DHX37: variants seen among roughly 807,000 people sequenced by gnomAD.
DHX37 encodes the protein probable ATP-dependent RNA helicase DHX37.
Under a neutral mutation model 134.3 loss-of-function variants are expected in DHX37, and 52 were observed. That is an observed-to-expected ratio of 0.39 (90% CI 0.31 to 0.49). The LOEUF (loss-of-function observed/expected upper bound fraction) is 0.49. Ranked by LOEUF, DHX37 falls within the 20% of genes least tolerant of loss-of-function variation. DHX37 has a pLI of 0.93. For missense variants in DHX37, 1,344 were observed against 1,580.8 expected (o/e 0.85, Z 2.54); for synonymous variants, 634 against 670.7 (o/e 0.95, Z 0.85).
chr12:124,953,718 G>A (rs1954021737), intron 20 of DHX37, 162 bp downstream of exon 20: 1 of 1,266,968 alleles, frequency 7.9e-7, no homozygotes, highest in Non-Finnish European at 1.1e-6. Flanking sequence ...ACATTCCCTT[G>A]TTCCTGGAAA....
chr12:124,978,581 G>A (rs905197398), intron 4 of DHX37, among the ~76,000 whole-genome samples: 1 of 150,418 alleles, frequency 6.6e-6, no homozygotes, highest in South Asian at 2.1e-4. Context: ...GCCTCCCAAA[G>A]TGTTGGGATT....
At chr12:124,968,731 G>A (rs10846794) in intron 9 of DHX37, 83 bp from the exon 10 acceptor site, 444,970 of 1,605,174 alleles carry the variant, frequency 0.28, 65,065 homozygotes, top group Non-Finnish European at 0.3. Context: ...CCATTATTCC[G>A]AATCAAGGTT....
intron 6 of DHX37, 100 bp downstream of exon 6, chr12:124,975,319 C>T (rs926135360): frequency 6.0e-5 from 74 of 1,228,708 alleles, no homozygotes; most frequent in Non-Finnish European, 8.3e-5. Context: ...CCACCCAGCA[C>T]CCTCGGCACA....
At chr12:124,973,013 G>GCACCA (rs1954551029) in intron 6 of DHX37, among the ~76,000 whole-genome samples, 1 of 152,230 alleles carries the variant, frequency 6.6e-6, no homozygotes, top group Admixed American at 6.5e-5. Flanking sequence ...GTGGTGGTGT[G>GCACCA]CACCTGTAGT....
chr12:124,972,498 C>G lies in DHX37; in HGVS notation c.1077+5G>C. ...TTGCTCTGTGAGCCAGGATCCACAA[C>G]CAACCTTCTGGATTTCTTTAAGCAG... On this transcript the variant is annotated splice_donor_5th_base_variant and intron_variant, in intron 7 of 26. Coordinates refer to ENST00000308736, the MANE Select transcript of DHX37 (RefSeq NM_032656.4). The G allele has an allele frequency of 6.2e-7, 1 of 1,614,156 alleles. No individual in the cohort carries two copies.
At chr12:124,962,664 AAAACAAAC>A (rs200662820) in intron 15 of DHX37, among the ~76,000 whole-genome samples, 5,417 of 151,904 alleles carry the variant, frequency 0.036, 351 homozygotes, top group African/African-American at 0.12. Context: ...TCTCAAAAAC[AAAACAAAC>A]AAACAAACAA....
rs982712375 is a variant in DHX37, at chr12:124,988,939, G to A, written c.84C>T (p.Pro28=). ...TACCCTCCAGTTCCAGCTGCACGGG[G>A]GGCGGCTCGGGGGGGCCCTTCGAGG... ...PGPSKGPPEP[P]PVQLELEDKD... The change falls in exon 1 of 27, where the codon CCC becomes CCT. Residue 28 remains proline, a synonymous_variant. Coordinates refer to ENST00000308736, the MANE Select transcript of DHX37 (RefSeq NM_032656.4). 2 of 1,337,632 alleles carry A rather than the reference G, an allele frequency of 1.5e-6. No individual in the cohort carries two copies. The allele number at this position is 1,337,632 out of a possible 1,614,324, so 82.9% of individuals were successfully genotyped here. A position where few individuals can be genotyped will look rare whatever the true frequency, so the allele number is the denominator to read the frequency against.
At chr12:124,965,546 C>G in intron 13 of DHX37, 122 bp downstream of exon 13, 1 of 1,419,064 alleles carries the variant, frequency 7.0e-7, no homozygotes, top group African/African-American at 1.4e-5. Flanking sequence ...GTTTCAAGAA[C>G]TCAGGAAGCA....
intron 16 of DHX37, among the ~76,000 whole-genome samples, 183 bp from the exon 17 acceptor site, chr12:124,957,318 T>G (rs1001436989): frequency 6.6e-6 from 1 of 152,122 alleles, no homozygotes; most frequent in Non-Finnish European, 1.5e-5. Context: ...AAGGCCTCCT[T>G]TACTCACTCA....
chr12:124,986,069 T>G (rs773517341), intron 2 of DHX37, 27 bp downstream of exon 2: 2 of 1,612,140 alleles, frequency 1.2e-6, no homozygotes, highest in Non-Finnish European at 1.7e-6. Context: ...GAGAGCCACT[T>G]GCAGACCCTG....
intron 8 of DHX37, among the ~76,000 whole-genome samples, chr12:124,969,279 G>A (rs777352082): frequency 5.9e-5 from 9 of 152,104 alleles, no homozygotes; most frequent in Non-Finnish European, 1.2e-4. Flanking sequence ...TGTCTGTGCC[G>A]GGGGCTCAGG....
In DHX37 at chr12:124,950,710, G is replaced by T; in HGVS notation, c.2963C>A (p.Thr988Asn). 1 of 1,612,132 alleles carries T rather than the reference G, an allele frequency of 6.2e-7. No individual in the cohort carries two copies. The highest frequency in any genetic ancestry group is 1.7e-4 in the Middle Eastern group (1 of 6,058). Residue 988 changes from threonine to asparagine, a missense_variant, in exon 22 of 27, where the codon ACC becomes AAC. Around this residue, in one of 7 missense-constraint regions of DHX37, gnomAD observed 558 missense variants for 650.0 expected, o/e 0.86. Coordinates refer to ENST00000308736, the MANE Select transcript of DHX37 (RefSeq NM_032656.4). Reference sequence around the variant, plus strand: ...GGCACCTTTCATGTACATCTTAGTGGTCTCCACGATTTCCTGGTAGACCAC... The same window carrying T: ...GGCACCTTTCATGTACATCTTAGTGTTCTCCACGATTTCCTGGTAGACCAC... The part of the protein sequence containing the change: ...EFVVYQEIVE[T>N]TKMYMKGVSS...
In DHX37 at chr12:124,980,407, CT is replaced by C; in HGVS notation, c.738+82del. ...CATGGAGGCACAGAGAAGGGATGCC[CT>C]TGCCCCACTTCACCAGGACGCCCTC... On this transcript the variant is annotated intron_variant, in intron 4 of 26. Coordinates refer to ENST00000308736, the MANE Select transcript of DHX37 (RefSeq NM_032656.4). The surrounding 1 kb of genome is among the most constrained non-coding windows in gnomAD (Gnocchi z 5.3). The C allele has an allele frequency of 6.9e-7, 1 of 1,452,400 alleles. No homozygotes were observed. The highest frequency in any genetic ancestry group is 1.3e-5 in the South Asian group (1 of 79,584). 90.0% of individuals were successfully genotyped at this position (1,452,400 alleles called of 1,614,324 possible).
intron 3 of DHX37, among the ~76,000 whole-genome samples, chr12:124,982,037 C>T (rs934980437): frequency 4.0e-5 from 6 of 151,288 alleles, no homozygotes; most frequent in Non-Finnish European, 7.4e-5. Flanking sequence ...GCAGGAGAAT[C>T]GCTTGAACCT....
chr12:124,960,024 C>T (rs1057210830), intron 16 of DHX37, among the ~76,000 whole-genome samples: 2 of 152,178 alleles, frequency 1.3e-5, no homozygotes, highest in African/African-American at 4.8e-5. Flanking sequence ...CAGGAAGAGC[C>T]GGCAGCACGT....
At chr12:124,984,659 G>C (rs1339131278) in intron 2 of DHX37, among the ~76,000 whole-genome samples, 1 of 152,070 alleles carries the variant, frequency 6.6e-6, no homozygotes, top group Non-Finnish European at 1.5e-5. Flanking sequence ...TGAAACAACA[G>C]GAAATTTAAC....
At position 124,954,119 on chromosome 12, in the gene DHX37, G is replaced by C; in HGVS notation, c.2546C>G (p.Ser849Cys). The C allele has an allele frequency of 6.2e-7, 1 of 1,611,440 alleles. No individual in the cohort carries two copies. Among genetic ancestry groups the C allele is most frequent in the Non-Finnish European group, 8.5e-7 (1 of 1,178,586 alleles). ...CACCATGAGGTCGCCGAGCTTCAGAGAAGCCCCCTGCCCTGCCCAGGTCCT... is the reference window on the plus strand; with the variant it reads ...CACCATGAGGTCGCCGAGCTTCAGACAAGCCCCCTGCCCTGCCCAGGTCCT... Reference protein sequence around the residue: ...MKRTWAGQGASLKLGDLMVLL... With the variant: ...MKRTWAGQGACLKLGDLMVLL... Residue 849 changes from serine (S) to cysteine (C), a missense_variant, in exon 19 of 27, where the codon TCT (serine) becomes TGT (cysteine). Physicochemically the swap from Ser to Cys is moderately radical, Grantham distance 112. Around this residue, in one of 7 missense-constraint regions of DHX37, gnomAD observed 558 missense variants for 650.0 expected, o/e 0.86. Transcript: ENST00000308736.
At chr12:124,981,715 A>G (rs1488327330) in intron 3 of DHX37, among the ~76,000 whole-genome samples, 2 of 150,672 alleles carry the variant, frequency 1.3e-5, no homozygotes, top group Non-Finnish European at 3.0e-5. Flanking sequence ...GATTACAGGT[A>G]TGAGCCACGG....
chr12:124,973,500 G>C (rs375078620), intron 6 of DHX37, among the ~76,000 whole-genome samples: 8 of 151,766 alleles, frequency 5.3e-5, no homozygotes, highest in Admixed American at 3.3e-4. Context: ...TCTAAACAGT[G>C]GGGGGGAGGG....
Sources: gnomAD v4.1 joint callset for allele counts (sites outside exome capture counted in the v4.1 genomes callset) on GRCh38, gnomAD v4.1.1 for gene constraint, gnomAD v4.1.1 regional missense constraint, Gnocchi (gnomAD v3.1) non-coding constraint, MANE v1.5 for transcripts, NCBI Gene and HGNC (gene_info 2026-07-23, HGNC 2026-07-21) for gene names.